Variants in FOXN3 observed in about 807,000 individuals in gnomAD.
The protein encoded by FOXN3 is forkhead box protein N3.
FOXN3 carries 7 observed loss-of-function variants against 38.4 expected under a neutral mutation model. That is an observed-to-expected ratio of 0.18 (90% CI 0.10 to 0.34). The LOEUF (loss-of-function observed/expected upper bound fraction) is 0.34. Among genes scored for constraint, FOXN3 ranks in the 10% least tolerant of loss-of-function variants. FOXN3 has a pLI of 1.00. For synonymous variants in FOXN3, 230 were observed against 242.2 expected, an observed-to-expected ratio of 0.95 and a Z score of 0.47; for missense variants, 456 against 613.4, an observed-to-expected ratio of 0.74 and a Z score of 2.71.
intron 3 of FOXN3, among the ~76,000 whole-genome samples, chr14:89,336,913 G>A (rs1396402009): frequency 6.6e-6 from 1 of 152,154 alleles, no homozygotes; most frequent in Non-Finnish European, 1.5e-5. Context: ...CTCTGATGAT[G>A]GAACATGCCA....
In FOXN3 at chr14:89,489,642, A is replaced by T. The variant is rs191037131; in HGVS notation, c.-14-77152T>A. 4.4e-4 allele frequency among the ~76,000 whole-genome samples: 67 copies of T among 152,332 alleles called. 1 individual carries two copies. The East Asian group carries it at 9.8e-3, about 22-fold the overall frequency. On this transcript the variant is annotated intron_variant, in intron 1 of 6. Transcript: ENST00000345097. ...ACATATACGATGGCAATAATTTATCATCTCTGCAGTAGTTTAGTCCCAGAT... is the reference window on the plus strand; with the variant it reads ...ACATATACGATGGCAATAATTTATCTTCTCTGCAGTAGTTTAGTCCCAGAT...
intron 1 of FOXN3, among the ~76,000 whole-genome samples, chr14:89,473,388 T>C (rs1893147292): frequency 2.7e-5 from 4 of 150,636 alleles, no homozygotes; most frequent in Middle Eastern, 3.5e-3. Flanking sequence ...AACGCTTTTT[T>C]TTTTTTTTCC....
chr14:89,335,173 T>C (rs1355840006), intron 3 of FOXN3, among the ~76,000 whole-genome samples: 3 of 152,108 alleles, frequency 2.0e-5, no homozygotes. Flanking sequence ...GTAATCATTT[T>C]ACAATGTGTG....
intron 1 of FOXN3, among the ~76,000 whole-genome samples, chr14:89,470,815 A>C (rs1893079087): frequency 6.6e-6 from 1 of 152,132 alleles, no homozygotes; most frequent in Admixed American, 6.5e-5. Flanking sequence ...AGCTAACCTA[A>C]ATGAACAGAG....
rs1224194106 is a variant in FOXN3, at chr14:89,604,780, A to G, written c.-15+14248T>C. Reference sequence around the variant, plus strand: ...AAAAACAAAGAAAATATCTTAAAAAACAGTCGTAAAGTACTCTTGGAGAAA... The same window carrying G: ...AAAAACAAAGAAAATATCTTAAAAAGCAGTCGTAAAGTACTCTTGGAGAAA... On this transcript the variant is annotated intron_variant, in intron 1 of 6. Coordinates refer to the FOXN3 transcript ENST00000345097. Among the ~76,000 whole-genome samples, 2 of 152,240 alleles carry G rather than the reference A, an allele frequency of 1.3e-5. 1 individual carries two copies. The highest frequency in any genetic ancestry group is 3.8e-4 in the East Asian group (2 of 5,206).
chr14:89,200,775 C>A (rs1049116574), intron 4 of FOXN3, among the ~76,000 whole-genome samples: 5 of 152,234 alleles, frequency 3.3e-5, no homozygotes, highest in Non-Finnish European at 7.3e-5. Context: ...TGACAAGACA[C>A]TGCCATCCCA....
chr14:89,383,027 G>GTT (rs1206373605), intron 2 of FOXN3, among the ~76,000 whole-genome samples: 3 of 105,160 alleles, frequency 2.9e-5, no homozygotes, highest in African/African-American at 7.2e-5. Flanking sequence ...GTTTTGGGTG[G>GTT]TGTTTTTTTT....
chr14:89,569,769 T>A (rs1895452120), intron 1 of FOXN3, among the ~76,000 whole-genome samples: 1 of 152,250 alleles, frequency 6.6e-6, no homozygotes, highest in South Asian at 2.1e-4. Flanking sequence ...TGGCCTCAGA[T>A]CCGTGCCTGC....
chr14:89,359,832 C>G (rs1165990334), intron 2 of FOXN3, among the ~76,000 whole-genome samples: 1 of 152,174 alleles, frequency 6.6e-6, no homozygotes, highest in Non-Finnish European at 1.5e-5. Context: ...CTGGAGTGGG[C>G]AGAGGTGGAT....
At chr14:89,173,719 T>C (rs776311957) in intron 5 of FOXN3, among the ~76,000 whole-genome samples, 24 of 152,302 alleles carry the variant, frequency 1.6e-4, no homozygotes, top group Non-Finnish European at 2.9e-4. Context: ...GGCTGGGCAC[T>C]GTGGCTCACA....
At chr14:89,456,022 G>A (rs536421181) in intron 1 of FOXN3, among the ~76,000 whole-genome samples, 111 of 151,922 alleles carry the variant, frequency 7.3e-4, no homozygotes, top group African/African-American at 2.7e-3. Flanking sequence ...AGTGAAACCC[G>A]TGTCTACTAA....
At chr14:89,547,560 A>T (rs868541152) in intron 1 of FOXN3, among the ~76,000 whole-genome samples, 7 of 152,186 alleles carry the variant, frequency 4.6e-5, no homozygotes, top group South Asian at 4.1e-4. Flanking sequence ...GATTTCCACT[A>T]GAATTTTCAC....
intron 1 of FOXN3, among the ~76,000 whole-genome samples, chr14:89,508,290 G>A (rs114982433): frequency 0.027 from 4,076 of 152,260 alleles, 170 homozygotes; most frequent in African/African-American, 0.086. Context: ...CCTGCTGAAC[G>A]GAGGAGTGGC....
chr14:89,527,904 G>A (rs188723036), intron 1 of FOXN3, among the ~76,000 whole-genome samples: 1 of 152,140 alleles, frequency 6.6e-6, no homozygotes, highest in East Asian at 1.9e-4. Flanking sequence ...GTTTTGCCAT[G>A]TTGACCAGGT....
intron 1 of FOXN3, among the ~76,000 whole-genome samples, chr14:89,413,525 T>C (rs1403900128): frequency 3.3e-5 from 5 of 151,960 alleles, no homozygotes; most frequent in African/African-American, 1.2e-4. Flanking sequence ...TCCCAGCTAC[T>C]TGGGAGGCTG....
At chr14:89,567,122 T>G (rs1895370534) in intron 1 of FOXN3, among the ~76,000 whole-genome samples, 1 of 152,220 alleles carries the variant, frequency 6.6e-6, no homozygotes, top group African/African-American at 2.4e-5. Flanking sequence ...TTTCATTTTT[T>G]CCTCATCATT....
chr14:89,586,601 T>C (rs243176), intron 1 of FOXN3, among the ~76,000 whole-genome samples: 137,481 of 152,312 alleles, frequency 0.9, 62,521 homozygotes, highest in African/African-American at 0.97. Context: ...TGAAAAGGTA[T>C]GCTGTTTTTT....
In FOXN3 at chr14:89,484,508, C is replaced by T. The variant is rs1893405316; in HGVS notation, c.-14-72018G>A. ...TTTTATTCTTTTAATTTTTCCCAACCACTGAAAAATGTGAAAACCATTCTT... is the reference window on the plus strand; with the variant it reads ...TTTTATTCTTTTAATTTTTCCCAACTACTGAAAAATGTGAAAACCATTCTT... On this transcript the variant is annotated intron_variant, in intron 1 of 6. Transcript: ENST00000345097. The surrounding 1 kb of genome is among the most constrained non-coding windows in gnomAD (Gnocchi z 4.0). Among the ~76,000 whole-genome samples, 1 of 152,160 alleles carries T rather than the reference C, an allele frequency of 6.6e-6. No homozygotes were observed. Among genetic ancestry groups the T allele is most frequent in the Non-Finnish European group, 1.5e-5 (1 of 68,028 alleles).
chr14:89,375,545 T>C (rs148235689), intron 2 of FOXN3, among the ~76,000 whole-genome samples: 5 of 152,296 alleles, frequency 3.3e-5, no homozygotes, highest in Non-Finnish European at 5.9e-5. Flanking sequence ...GACAGTATAA[T>C]TTTGAAACTA....
Sources: gnomAD v4.1 joint callset for allele counts (sites outside exome capture counted in the v4.1 genomes callset) on GRCh38, gnomAD v4.1.1 for gene constraint, Gnocchi (gnomAD v3.1) non-coding constraint, MANE v1.5 for transcripts, NCBI Gene and HGNC (gene_info 2026-07-23, HGNC 2026-07-21) for gene names.